THBS3: variants seen among roughly 807,000 people sequenced by gnomAD.
THBS3 encodes thrombospondin 3.
Under a neutral mutation model 118.3 loss-of-function variants are expected in THBS3, and 78 were observed. The ratio of observed to expected loss-of-function variants is 0.66; its 90% confidence interval spans 0.55 to 0.80. THBS3 has a LOEUF of 0.80. Ranked by LOEUF, THBS3 falls within the 30% of genes least tolerant of loss-of-function variation. The probability of loss-of-function intolerance (pLI) is 0.00; values close to 1 mark genes in which losing one functional copy is unlikely to be tolerated. For synonymous variants in THBS3, 427 were observed against 475.3 expected (o/e 0.90, Z 1.32); for missense variants, 1,057 against 1,247.4 (o/e 0.85, Z 2.30).
At chr1:155,200,165 C>T (rs759584137) in intron 14 of THBS3, 52 bp from the exon 15 acceptor site, 1 of 1,456,932 alleles carries the variant, frequency 6.9e-7, no homozygotes, top group Non-Finnish European at 9.3e-7. Flanking sequence ...CATATTCTCT[C>T]TTCTAGGTTG....
At position 155,195,736 on chromosome 1, in the gene THBS3, T is replaced by G; in HGVS notation, c.*105A>C. ...ACTCCTTTTGGGAGCCAGAGAAGGG[T>G]CTGTGGTTGGCTGAGGGGCTGTAGC... On this transcript the variant is annotated 3_prime_UTR_variant, in exon 23 of 23. Coordinates refer to ENST00000368378, the MANE Select transcript of THBS3 (RefSeq NM_007112.5). 1 of 1,250,062 alleles carries G rather than the reference T, an allele frequency of 8.0e-7. No homozygotes were observed. Among genetic ancestry groups the G allele is most frequent in the Non-Finnish European group, 1.1e-6 (1 of 877,596 alleles). The allele number at this position is 1,250,062 out of a possible 1,614,324, so 77.4% of individuals were successfully genotyped here.
At chr1:155,209,144 C>G (rs1447109239), upstream of THBS3, 3 of 1,529,526 alleles carry the variant, frequency 2.0e-6, no homozygotes, top group South Asian at 1.2e-5. Flanking sequence ...GGGGATCTCC[C>G]CAGGCCCCCT....
In THBS3 at chr1:155,202,420, G is replaced by T. The variant is rs368091650; in HGVS notation, c.958-19C>A. 2.4e-5 allele frequency: 38 copies of T among 1,612,754 alleles called. No homozygotes were observed. The highest frequency in any genetic ancestry group is 3.1e-5 in the Non-Finnish European group (37 of 1,179,594). On this transcript the variant is annotated intron_variant, in intron 8 of 22. Transcript: ENST00000368378. The surrounding 1 kb of genome is among the most constrained non-coding windows in gnomAD (Gnocchi z 5.5). ...GAGCACACTGGGGACCAGATGAGAA[G>T]GCAGAGGTCAGGCCGCCCTCTGGGA... is the stretch of plus-strand genomic sequence containing the variant.
At position 155,206,505 on chromosome 1, in the gene THBS3, G is replaced by C; in HGVS notation, c.80-99C>G. On this transcript the variant is annotated intron_variant, in intron 1 of 22. Transcript: ENST00000368378. The surrounding 1 kb of genome is among the most constrained non-coding windows in gnomAD (Gnocchi z 4.2). ...CACCCCCTACCCCCACCACCAGGCAGCGTTAGTCACCTCAAAATTCAACCC... is the reference window on the plus strand; with the variant it reads ...CACCCCCTACCCCCACCACCAGGCACCGTTAGTCACCTCAAAATTCAACCC... 1 of 1,063,210 alleles carries C rather than the reference G, an allele frequency of 9.4e-7. No homozygotes were observed. Among genetic ancestry groups the C allele is most frequent in the Non-Finnish European group, 1.4e-6 (1 of 723,970 alleles). The allele number at this position is 1,063,210 out of a possible 1,614,324, so 65.9% of individuals were successfully genotyped here.
intron 3 of THBS3, 32 bp downstream of exon 3, chr1:155,205,028 T>C: frequency 7.4e-6 from 12 of 1,612,996 alleles, no homozygotes; most frequent in Non-Finnish European, 1.0e-5. Context: ...AAACTCTATT[T>C]CCACAGAACT....
At chr1:155,207,965 G>A, upstream of THBS3, 3 of 863,452 alleles carry the variant, frequency 3.5e-6, no homozygotes, top group South Asian at 2.9e-5. Context: ...GGGGCGGAGG[G>A]ACAGAATTGG....
upstream of THBS3, chr1:155,208,594 C>G (rs1243712686): frequency 1.8e-6 from 1 of 565,782 alleles, no homozygotes; most frequent in African/African-American, 1.9e-5. Flanking sequence ...CTGTGGAACA[C>G]TGTGGGTACT....
rs139314208 is a variant in THBS3 at position 155,201,432 on chromosome 1, A to C, written c.1314T>G (p.Gly438=). The change falls in exon 11 of 23, where the codon GGT becomes GGG. Residue 438 remains glycine, a synonymous_variant. Transcript: ENST00000368378. The stretch of plus-strand genomic sequence containing the variant: ...CCTAGCTCACCTGGCAGGACACTGC[A>C]CCATTGCGTTCAAAGAGACAGTGAG... ...IHAHCLFERN[G]AVSCQCNVGW... is the part of the protein sequence containing the mutation. 13 of 1,608,880 alleles carry C rather than the reference A, an allele frequency of 8.1e-6. No homozygotes were observed. The African/African-American group carries it at 1.3e-4, about 17-fold the overall frequency.
chr1:155,201,693 T>G, intron 10 of THBS3, 124 bp from the exon 11 acceptor site: 1 of 1,149,350 alleles, frequency 8.7e-7, no homozygotes, highest in Non-Finnish European at 1.2e-6. Context: ...CAGTATCTCC[T>G]TTAGGTTATC....
At position 155,201,963 on chromosome 1, in the gene THBS3, GT is replaced by G. The variant is rs1343963737; in HGVS notation, c.1169del (p.Asn390ThrfsTer96). Reference protein sequence around the residue: ...GGCDPNSICTNTVGSFKCGPC... With the variant: ...GGCDPNSICTXTVGSFKCGPC... ...CTCAGGATATTCAGCTCACCACAGT[GT>G]TGGTGCAGATGGAGTTTGGGTCACA... On this transcript the variant is annotated frameshift_variant, in exon 10 of 23. Coordinates refer to ENST00000368378, the MANE Select transcript of THBS3 (RefSeq NM_007112.5). LOFTEE classifies it high-confidence loss of function. 7 of 1,614,038 alleles carry G rather than the reference GT, an allele frequency of 4.3e-6. No individual in the cohort carries two copies. Among genetic ancestry groups the G allele is most frequent in the Non-Finnish European group, 5.9e-6 (7 of 1,180,020 alleles).
intron 2 of THBS3, among the ~76,000 whole-genome samples, chr1:155,205,717 G>T (rs1294686504): frequency 6.6e-6 from 1 of 152,198 alleles, no homozygotes; most frequent in Non-Finnish European, 1.5e-5. Flanking sequence ...GGCAGAGGTT[G>T]CAGTGAGCTG....
rs895704370 is a variant in THBS3 at position 155,202,572 on chromosome 1, C to G, written c.958-171G>C. 6.2e-6 allele frequency: 7 copies of G among 1,120,372 alleles called. No individual in the cohort carries two copies. Among genetic ancestry groups the G allele is most frequent in the African/African-American group, 1.6e-5 (1 of 63,698 alleles). The allele number at this position is 1,120,372 out of a possible 1,614,324, so 69.4% of individuals were successfully genotyped here. ...TTCCCTCGGGGTTCCCTCTCTCCCT[C>G]CCCATGCCACTGGTCACCATCTCAA... On this transcript the variant is annotated intron_variant, in intron 8 of 22. Transcript: ENST00000368378. The surrounding 1 kb of genome is among the most constrained non-coding windows in gnomAD (Gnocchi z 5.5).
chr1:155,205,062 G>C lies in THBS3; in HGVS notation c.541C>G (p.Gln181Glu). 1.2e-6 allele frequency: 2 copies of C among 1,613,040 alleles called. No individual in the cohort carries two copies. The highest frequency in any genetic ancestry group is 1.7e-6 in the Non-Finnish European group (2 of 1,179,288). Residue 181 changes from glutamine to glutamate, a missense_variant and splice_region_variant, in exon 3 of 23, where the codon CAG becomes GAG. Coordinates refer to ENST00000368378, the MANE Select transcript of THBS3 (RefSeq NM_007112.5). ...RTGQKAYLRM[Q>E]GFVESMKIIL... ...CTCAGAGGCTCCTCCCGGCTCACCT[G>C]CATCCTCAAATACGCCTTCTGTCCA...
chr1:155,197,041 C>T lies in THBS3; in HGVS notation c.2672G>A (p.Arg891Gln), dbSNP rs775866099. 8 of 1,612,982 alleles carry T rather than the reference C, an allele frequency of 5.0e-6. No homozygotes were observed. The highest frequency in any genetic ancestry group is 1.3e-5 in the African/African-American group (1 of 74,920). ...AGGTGGGCTCAGCCCCTCTCCTTAC[C>T]GAATGTAGCCAACTTGAGGCCGGTG... ...LLHRPQVGYI[R>Q]VKLYEGPQLV... The change falls in exon 21 of 23, where the codon CGG (arginine) becomes CAG (glutamine). Residue 891 changes from arginine to glutamine, a missense_variant and splice_region_variant. Arg to Gln is a conservative substitution (Grantham distance 43, BLOSUM62 1). Transcript: ENST00000368378. The surrounding 1 kb of genome is among the most constrained non-coding windows in gnomAD (Gnocchi z 5.0).
Position 155,197,135 on chromosome 1 carries a change from G to T in THBS3, c.2578C>A (p.Arg860=), listed in dbSNP as rs987827231. The T allele has an allele frequency of 6.2e-7, 1 of 1,614,080 alleles. No homozygotes were observed. Among genetic ancestry groups the T allele is most frequent in the African/African-American group, 1.3e-5 (1 of 74,942 alleles). Residue 860 remains arginine, a synonymous_variant, in exon 21 of 23, where the codon CGA becomes AGA. Transcript: ENST00000368378. This position sits in a 1 kb window ranked among gnomAD's most constrained non-coding sequence, Gnocchi z 5.0. ...TTTCGTGGGTCTGTCCACAGCAGTC[G>T]TACCTGATCAGGGGTGTGGCCAGTA... The part of the protein sequence containing the change: ...WHTGHTPDQV[R]LLWTDPRNVG...
At position 155,200,107 on chromosome 1, in the gene THBS3, G is replaced by A; in HGVS notation, c.1715C>T (p.Pro572Leu). ...CDNDVDGDGI[P>L]NGLDNCPKVP... ...TTTAGGGCAATTGTCCAATCCATTGGGGATGCCTAGAAGACATGGGTAGCA... is the reference window on the plus strand; with the variant it reads ...TTTAGGGCAATTGTCCAATCCATTGAGGATGCCTAGAAGACATGGGTAGCA... Residue 572 changes from proline to leucine, a missense_variant, in exon 15 of 23, where the codon CCC becomes CTC. Pro to Leu is a moderately conservative substitution (Grantham distance 98, BLOSUM62 -3). Coordinates refer to ENST00000368378, the MANE Select transcript of THBS3 (RefSeq NM_007112.5). 4 of 1,563,350 alleles carry A rather than the reference G, an allele frequency of 2.6e-6. No homozygotes were observed. Among genetic ancestry groups the A allele is most frequent in the Non-Finnish European group, 3.5e-6 (4 of 1,154,074 alleles).
intron 10 of THBS3, 124 bp downstream of exon 10, chr1:155,201,833 A>G (rs1388137746): frequency 1.4e-5 from 20 of 1,409,770 alleles, no homozygotes; most frequent in Non-Finnish European, 1.3e-5. Flanking sequence ...CCATGTGAAC[A>G]CCTAATCTGT....
At chr1:155,196,258 G>T in intron 21 of THBS3, 132 bp from the exon 22 acceptor site, 1 of 1,136,636 alleles carries the variant, frequency 8.8e-7, no homozygotes, top group Non-Finnish European at 1.2e-6. Context: ...AGGGAGGGAG[G>T]GAAAGGGAGG....
chr1:155,203,062 A>C (rs1422991862), intron 7 of THBS3, 24 bp downstream of exon 7: 1 of 1,613,988 alleles, frequency 6.2e-7, no homozygotes, highest in Non-Finnish European at 8.5e-7. Context: ...GGTCATGTGG[A>C]GCCTCCCCTG....
Sources: allele counts gnomAD v4.1 joint callset (sites outside exome capture counted in the v4.1 genomes callset), GRCh38; gene constraint gnomAD v4.1.1; non-coding constraint Gnocchi (gnomAD v3.1); transcripts MANE v1.5; gene names NCBI Gene and HGNC (gene_info 2026-07-23, HGNC 2026-07-21).